DYM: variants seen among roughly 807,000 people sequenced by gnomAD.
DYM encodes dymeclin.
DYM carries 78 observed loss-of-function variants against 93.1 expected under a neutral mutation model. That is an observed-to-expected ratio of 0.84 (90% CI 0.70 to 1.01). The LOEUF (loss-of-function observed/expected upper bound fraction) is 1.01. Ranked by LOEUF, DYM falls within the 50% of genes least tolerant of loss-of-function variation. The pLI, the probability that DYM is intolerant of heterozygous loss-of-function variation, is 0.00. For missense variants in DYM, 789 were observed against 845.0 expected (o/e 0.93, Z 0.82); for synonymous variants, 321 against 319.7 (o/e 1.00, Z -0.04).
At chr18:49,145,554 G>GT (rs2085032243) in intron 15 of DYM, among the ~76,000 whole-genome samples, 1 of 151,338 alleles carries the variant, frequency 6.6e-6, no homozygotes, top group African/African-American at 2.4e-5. Flanking sequence ...ATAGGTAACT[G>GT]TTTAACAATT....
chr18:49,270,413 A>G (rs1277382644), intron 11 of DYM, among the ~76,000 whole-genome samples: 1 of 152,188 alleles, frequency 6.6e-6, no homozygotes, highest in East Asian at 1.9e-4. Context: ...AGGATATTAC[A>G]ATGGGTACCA....
At chr18:49,222,305 T>C (rs901473915) in intron 13 of DYM, among the ~76,000 whole-genome samples, 2 of 152,126 alleles carry the variant, frequency 1.3e-5, no homozygotes, top group African/African-American at 4.8e-5. Flanking sequence ...AGAATTTATA[T>C]CTTTTCAGCT....
At chr18:49,372,294 A>T (rs1199516261) in intron 5 of DYM, among the ~76,000 whole-genome samples, 7 of 152,240 alleles carry the variant, frequency 4.6e-5, no homozygotes, top group African/African-American at 1.4e-4. Context: ...GGCAGAAAAT[A>T]TAAAAAGGGC....
chr18:49,448,623 G>A (rs976297511), intron 1 of DYM, among the ~76,000 whole-genome samples: 1 of 152,114 alleles, frequency 6.6e-6, no homozygotes, highest in East Asian at 1.9e-4. Context: ...AGGTGCCTGG[G>A]ACCCAGGAAA....
chr18:49,146,469 C>T (rs1036720347), intron 15 of DYM, among the ~76,000 whole-genome samples: 1 of 152,188 alleles, frequency 6.6e-6, no homozygotes, highest in Non-Finnish European at 1.5e-5. Context: ...ACAAAATCTC[C>T]TTAAACTGAT....
chr18:49,143,060 T>G (rs1365362305), intron 15 of DYM, among the ~76,000 whole-genome samples: 1 of 152,240 alleles, frequency 6.6e-6, no homozygotes, highest in Admixed American at 6.5e-5. Context: ...TACAATCATA[T>G]GATCATACCT....
intron 15 of DYM, among the ~76,000 whole-genome samples, chr18:49,156,897 G>A (rs1185042744): frequency 6.6e-6 from 1 of 152,078 alleles, no homozygotes; most frequent in East Asian, 1.9e-4. Context: ...CATCTGGCCA[G>A]TCTCTGCCTC....
intron 14 of DYM, among the ~76,000 whole-genome samples, chr18:49,168,304 G>A (rs1050135228): frequency 6.6e-6 from 1 of 152,056 alleles, no homozygotes; most frequent in East Asian, 1.9e-4. Context: ...TGAGAGAGTG[G>A]TATATTGCTC....
At chr18:49,293,529 T>C (rs1275873877) in intron 8 of DYM, among the ~76,000 whole-genome samples, 3 of 152,234 alleles carry the variant, frequency 2.0e-5, no homozygotes, top group African/African-American at 4.8e-5. Flanking sequence ...CTAAGTGGCA[T>C]GAGATGGTAT....
intron 15 of DYM, among the ~76,000 whole-genome samples, chr18:49,134,324 T>C (rs1015877700): frequency 6.6e-6 from 1 of 152,182 alleles, no homozygotes; most frequent in African/African-American, 2.4e-5. Flanking sequence ...GCATAATGGT[T>C]TATAAGGAGA....
intron 17 of DYM, among the ~76,000 whole-genome samples, chr18:49,096,352 A>G (rs1217368909): frequency 1.3e-5 from 2 of 152,316 alleles, no homozygotes; most frequent in East Asian, 3.9e-4. Context: ...CTCTGTTATT[A>G]TAATTGAAAA....
chr18:49,161,825 G>C (rs1342787528), intron 15 of DYM, among the ~76,000 whole-genome samples: 1 of 152,192 alleles, frequency 6.6e-6, no homozygotes, highest in Non-Finnish European at 1.5e-5. Context: ...CTGATATCTG[G>C]ACTGGGTACT....
chr18:49,414,625 C>T (rs1384445739), intron 2 of DYM, among the ~76,000 whole-genome samples: 1 of 152,170 alleles, frequency 6.6e-6, no homozygotes, highest in African/African-American at 2.4e-5. Context: ...ACTTCAGCCT[C>T]TTTACACTCG....
At chr18:49,102,886 G>T (rs2080331459) in intron 16 of DYM, among the ~76,000 whole-genome samples, 2 of 152,170 alleles carry the variant, frequency 1.3e-5, no homozygotes, top group Admixed American at 1.3e-4. Context: ...ACGTGTGCAT[G>T]TGTCTTTATA....
chr18:49,085,701 G>A (rs565700703), intron 17 of DYM, among the ~76,000 whole-genome samples: 27 of 143,658 alleles, frequency 1.9e-4, no homozygotes, highest in African/African-American at 4.4e-4. Context: ...TCTGCTGCCC[G>A]GGTTCAAGTG....
chr18:49,162,284 A>C (rs1329255614), intron 15 of DYM, among the ~76,000 whole-genome samples: 1 of 152,194 alleles, frequency 6.6e-6, no homozygotes, highest in Non-Finnish European at 1.5e-5. Context: ...GTAATTTATA[A>C]AGAAAAAGGA....
chr18:49,072,777 A>G (rs1340970815), intron 17 of DYM, among the ~76,000 whole-genome samples: 3 of 152,236 alleles, frequency 2.0e-5, no homozygotes, highest in African/African-American at 7.2e-5. Flanking sequence ...CCGTGCAAAT[A>G]GGAGAGCTGC....
chr18:49,316,352 G>A (rs948165197), intron 8 of DYM, among the ~76,000 whole-genome samples: 1 of 152,102 alleles, frequency 6.6e-6, no homozygotes, highest in Non-Finnish European at 1.5e-5. Context: ...AAATCAAAAA[G>A]AAAGGGAATG....
intron 17 of DYM, among the ~76,000 whole-genome samples, chr18:49,066,482 A>C (rs1450637846): frequency 6.6e-6 from 1 of 152,146 alleles, no homozygotes; most frequent in African/African-American, 2.4e-5. Flanking sequence ...CTGTTGCCTG[A>C]ATGTACCACA....
Sources: gnomAD v4.1 joint callset for allele counts (sites outside exome capture counted in the v4.1 genomes callset) on GRCh38, gnomAD v4.1.1 for gene constraint, MANE v1.5 for transcripts, NCBI Gene and HGNC (gene_info 2026-07-23, HGNC 2026-07-21) for gene names.